Variants in IPO7 observed in about 807,000 individuals in gnomAD.
IPO7 encodes importin-7.
In IPO7, 13 loss-of-function variants were observed where a neutral mutation model predicts 136.4. The ratio of observed to expected loss-of-function variants is 0.10; its 90% confidence interval spans 0.06 to 0.15. The LOEUF is 0.15. Among genes scored for constraint, IPO7 ranks in the 10% least tolerant of loss-of-function variants. IPO7 has a pLI of 1.00. For synonymous variants in IPO7, 403 were observed against 404.4 expected, an observed-to-expected ratio of 1.00 and a Z score of 0.04; for missense variants, 857 against 1,240.6, an observed-to-expected ratio of 0.69 and a Z score of 4.65.
At chr11:9,439,316 A>T (rs1333325921) in intron 22 of IPO7, among the ~76,000 whole-genome samples, 1 of 151,986 alleles carries the variant, frequency 6.6e-6, no homozygotes, top group Non-Finnish European at 1.5e-5. Context: ...GGATTTCACC[A>T]TGTTGGCCAG....
intron 1 of IPO7, among the ~76,000 whole-genome samples, chr11:9,389,749 A>T (rs548468069): frequency 6.6e-6 from 1 of 152,012 alleles, no homozygotes; most frequent in Non-Finnish European, 1.5e-5. Flanking sequence ...TATAATGGTT[A>T]TATATGTATA....
Position 9,436,273 on chromosome 11 carries a change from T to C in IPO7, c.2175T>C (p.Val725=). The change falls in exon 20 of 25, where the codon GTT becomes GTC. Residue 725 remains valine (V), a splice_region_variant and synonymous_variant. Transcript: ENST00000379719. ...AATTTATATTCTGTTTTGATCAGGT[T>C]CTTACAGGAGTTGCAGGAGAAGATG... ...LEMIYSMCKK[V]LTGVAGEDAE... 1 of 1,609,854 alleles carries C rather than the reference T, an allele frequency of 6.2e-7. No homozygotes were observed. Among genetic ancestry groups the C allele is most frequent in the Non-Finnish European group, 8.5e-7 (1 of 1,176,134 alleles).
rs1590455180 is a variant in IPO7 at position 9,440,376 on chromosome 11, A to C, written c.2696-79A>C. The C allele has an allele frequency of 1.8e-5, 20 of 1,117,914 alleles. No homozygotes were observed. The East Asian group carries it at 4.1e-4, about 23-fold the overall frequency. 69.2% of individuals were successfully genotyped at this position (1,117,914 alleles called of 1,614,324 possible). A position where few individuals can be genotyped will look rare whatever the true frequency, so the allele number is the denominator to read the frequency against. The stretch of plus-strand genomic sequence containing the variant: ...CACTTGTGACTTGTAATTTACTGAC[A>C]GTGATTGAGATGATTGTCAATTTGT... On this transcript the variant is annotated intron_variant, in intron 22 of 24. Coordinates refer to ENST00000379719, the MANE Select transcript of IPO7 (RefSeq NM_006391.3).
chr11:9,393,944 G>C lies in IPO7; in HGVS notation c.84+9097G>C, dbSNP rs147164014. Among the ~76,000 whole-genome samples, 10 of 151,964 alleles carry C rather than the reference G, an allele frequency of 6.6e-5. No individual in the cohort carries two copies. The East Asian group carries it at 1.7e-3, about 27-fold the overall frequency. ...TGTCTCCCAGCTGTAGTGCAGTGGT[G>C]CTATCTCGGCTCACTGCAACTTCTG... On this transcript the variant is annotated intron_variant, in intron 1 of 24. Coordinates refer to ENST00000379719, the MANE Select transcript of IPO7 (RefSeq NM_006391.3).
intron 4 of IPO7, among the ~76,000 whole-genome samples, chr11:9,413,287 G>C (rs1854994439): frequency 6.6e-6 from 1 of 151,984 alleles, no homozygotes; most frequent in Admixed American, 6.6e-5. Context: ...ATAGCCTGTT[G>C]GTCACATTTT....
chr11:9,436,644 G>C (rs1855372350), intron 20 of IPO7, among the ~76,000 whole-genome samples: 1 of 150,564 alleles, frequency 6.6e-6, no homozygotes, highest in Non-Finnish European at 1.5e-5. Flanking sequence ...AATATCCATG[G>C]TCAGTTTTTT....
chr11:9,427,786 A>G (rs1855233917), intron 12 of IPO7, among the ~76,000 whole-genome samples: 1 of 152,226 alleles, frequency 6.6e-6, no homozygotes, highest in Admixed American at 6.5e-5. Context: ...GTATGCTACT[A>G]TCAACTAATC....
At chr11:9,433,923 C>CTT (rs35376155) in intron 18 of IPO7, 77 bp downstream of exon 18, 4,854 of 1,036,888 alleles carry the variant, frequency 4.7e-3, no homozygotes, top group East Asian at 9.3e-3. Flanking sequence ...TGAACATACA[C>CTT]TTTTTTTTTT....
chr11:9,447,883 CTAGAG>C lies in IPO7; in HGVS notation c.*2692_*2696del, dbSNP rs1371057516. 1.3e-5 allele frequency: 2 copies of C among 152,096 alleles called. No homozygotes were observed. The highest frequency in any genetic ancestry group is 2.9e-5 in the Non-Finnish European group (2 of 68,026). The allele number at this position is 152,096 out of a possible 1,614,324, so 9.4% of individuals were successfully genotyped here. On this transcript the variant is annotated 3_prime_UTR_variant, in exon 25 of 25. Transcript: ENST00000379719. ...CTGCTATACTCAACTCTGGAAGAGA[CTAGAG>C]TATAGAGCATGAGTGGCAAAACCAC... is the stretch of plus-strand genomic sequence containing the variant.
chr11:9,433,800 C>T lies in IPO7; in HGVS notation c.2028C>T (p.Pro676=). ...CTCCACAGATGTGGCAGCTACTACC[C>T]CTTGTATTTGAAGTCTTTCAGCAAG... ...QVSPQMWQLL[P]LVFEVFQQDG... is the part of the protein sequence containing the mutation. The change falls in exon 18 of 25, where the codon CCC becomes CCT. Residue 676 remains proline, a synonymous_variant. Coordinates refer to ENST00000379719, the MANE Select transcript of IPO7 (RefSeq NM_006391.3). 6.2e-7 allele frequency: 1 copy of T among 1,611,598 alleles called. No homozygotes were observed.
chr11:9,402,595 C>T (rs1453905365), intron 1 of IPO7: 4 of 151,586 alleles, frequency 2.6e-5, no homozygotes, highest in African/African-American at 7.3e-5. Flanking sequence ...CACAGTGGCT[C>T]ACACGTGTAA....
At chr11:9,396,436 T>C (rs1854709994) in intron 1 of IPO7, among the ~76,000 whole-genome samples, 1 of 152,186 alleles carries the variant, frequency 6.6e-6, no homozygotes, top group African/African-American at 2.4e-5. Flanking sequence ...AGTTCAGTGT[T>C]GTCGATTTAA....
At chr11:9,422,059 C>T (rs1292471246) in intron 8 of IPO7, among the ~76,000 whole-genome samples, 1 of 152,184 alleles carries the variant, frequency 6.6e-6, no homozygotes, top group Non-Finnish European at 1.5e-5. Context: ...GCAGGCAGAT[C>T]ACCTGAGGCC....
chr11:9,417,715 CTTT>C (rs1191474959), intron 6 of IPO7, among the ~76,000 whole-genome samples: 2 of 138,380 alleles, frequency 1.4e-5, no homozygotes, highest in Admixed American at 7.3e-5. Context: ...TTTCTTTTTT[CTTT>C]TTTTTTTTTT....
At chr11:9,431,340 C>A (rs1855291521) in intron 16 of IPO7, among the ~76,000 whole-genome samples, 1 of 152,040 alleles carries the variant, frequency 6.6e-6, no homozygotes, top group South Asian at 2.1e-4. Flanking sequence ...ACAATCCTAA[C>A]CATTTTTAAG....
chr11:9,445,483 A>G lies in IPO7; in HGVS notation c.*289A>G. ...TGAAGCTTCAAAGTGACACTGTGGA[A>G]ATCTGAAACGAGGGGATGTCATGAA... On this transcript the variant is annotated 3_prime_UTR_variant, in exon 25 of 25. Coordinates refer to ENST00000379719, the MANE Select transcript of IPO7 (RefSeq NM_006391.3). 1 of 261,872 alleles carries G rather than the reference A, an allele frequency of 3.8e-6. No homozygotes were observed. Among genetic ancestry groups the G allele is most frequent in the Non-Finnish European group, 7.3e-6 (1 of 137,174 alleles). 16.2% of individuals were successfully genotyped at this position (261,872 alleles called of 1,614,324 possible). A position where few individuals can be genotyped will look rare whatever the true frequency, so the allele number is the denominator to read the frequency against.
At chr11:9,419,559 A>AAAAAAAAAAAAT (rs1256216265) in intron 6 of IPO7, among the ~76,000 whole-genome samples, 4 of 116,866 alleles carry the variant, frequency 3.4e-5, no homozygotes, top group African/African-American at 1.5e-4. Context: ...AAAAAAAAAA[A>AAAAAAAAAAAAT]ATATATATAT....
chr11:9,405,987 C>T (rs1854877235), intron 2 of IPO7, among the ~76,000 whole-genome samples: 1 of 151,032 alleles, frequency 6.6e-6, no homozygotes, highest in Non-Finnish European at 1.5e-5. Context: ...CTTCTGGGCT[C>T]AAATAATCTT....
At chr11:9,427,287 G>A (rs1353356076) in intron 12 of IPO7, among the ~76,000 whole-genome samples, 1 of 152,072 alleles carries the variant, frequency 6.6e-6, no homozygotes, top group Non-Finnish European at 1.5e-5. Flanking sequence ...TGGAAATGGA[G>A]CCTCGTTCTG....
Sources: gnomAD v4.1 joint callset for allele counts (sites outside exome capture counted in the v4.1 genomes callset) on GRCh38, gnomAD v4.1.1 for gene constraint, MANE v1.5 for transcripts, NCBI Gene and HGNC (gene_info 2026-07-23, HGNC 2026-07-21) for gene names.